The following NEK1 variants were observed in gnomAD, a reference collection of about 807,000 sequenced individuals.
NEK1 encodes NIMA related kinase 1.
NEK1 carries 137 observed loss-of-function variants against 182.1 expected under a neutral mutation model. That is an observed-to-expected ratio of 0.75 (90% confidence interval 0.65 to 0.87). The LOEUF (loss-of-function observed/expected upper bound fraction) is 0.87, where lower values mean the gene tolerates loss of function less well. Among genes scored for constraint, NEK1 ranks in the 40% least tolerant of loss-of-function variants. NEK1 has a pLI of 0.00. For synonymous variants in NEK1, 513 were observed against 492.2 expected (o/e 1.04, Z -0.56); for missense variants, 1,391 against 1,494.4 (o/e 0.93, Z 1.14).
intron 27 of NEK1, among the ~76,000 whole-genome samples, chr4:169,459,751 T>C (rs572764669): frequency 2.6e-5 from 4 of 152,168 alleles, no homozygotes; most frequent in Non-Finnish European, 4.4e-5. Flanking sequence ...ACCTTAAGTG[T>C]ATATTACTAA....
intron 2 of NEK1, among the ~76,000 whole-genome samples, chr4:169,605,998 C>G (rs927126743): frequency 6.6e-6 from 1 of 151,946 alleles, no homozygotes; most frequent in Non-Finnish European, 1.5e-5. Context: ...GTTTCTTTAT[C>G]TAGAAACACG....
intron 27 of NEK1, among the ~76,000 whole-genome samples, chr4:169,445,885 CAT>C (rs1491263657): frequency 6.1e-5 from 9 of 147,320 alleles, no homozygotes; most frequent in South Asian, 2.1e-4. Context: ...CACACACACA[CAT>C]GCACAAAATG....
intron 16 of NEK1, among the ~76,000 whole-genome samples, chr4:169,558,470 C>T (rs1274178864): frequency 4.6e-5 from 7 of 152,260 alleles, no homozygotes; most frequent in Admixed American, 2.0e-4. Flanking sequence ...ATCTGCTTTC[C>T]GTCACTACAG....
rs116414217 is a variant in NEK1, at chr4:169,594,167, T to C, written c.313-3358A>G. ...ATCAAGAACCATACAGTAATTATCA[T>C]ATAGTTGTCTGAATTACAGTTGTAT... On this transcript the variant is annotated intron_variant, in intron 5 of 35. Coordinates refer to ENST00000507142, the MANE Select transcript of NEK1 (RefSeq NM_001199397.3). 2.3e-3 allele frequency among the ~76,000 whole-genome samples: 356 copies of C among 152,316 alleles called. 1 individual carries two copies. Among genetic ancestry groups the C allele is most frequent in the Non-Finnish European group, 3.6e-3 (245 of 68,020 alleles).
intron 21 of NEK1, 71 bp downstream of exon 21, chr4:169,508,177 G>A: frequency 7.6e-7 from 1 of 1,314,040 alleles, no homozygotes; most frequent in Admixed American, 2.7e-5. Flanking sequence ...GTTGTTAATG[G>A]CACAGCATTT....
At chr4:169,591,451 T>C (rs1581017417) in intron 5 of NEK1, among the ~76,000 whole-genome samples, 2 of 152,114 alleles carry the variant, frequency 1.3e-5, no homozygotes, top group African/African-American at 4.8e-5. Context: ...GGATTACAGG[T>C]ACAAGCCACT....
At chr4:169,435,394 G>A (rs1738219239) in intron 28 of NEK1, among the ~76,000 whole-genome samples, 1 of 152,102 alleles carries the variant, frequency 6.6e-6, no homozygotes. Flanking sequence ...TGGGGGGTAG[G>A]GAGGGGAACA....
rs973721836 is a variant in NEK1, at chr4:169,477,639, C to T, written c.2140-142G>A. ...TTATTCCTATAAAATGTTAACAAAG[C>T]TTCCTTCATTATCAGCAATGACTAA... is the stretch of plus-strand genomic sequence containing the variant. On this transcript the variant is annotated intron_variant, in intron 24 of 35. Transcript: ENST00000507142. The T allele has an allele frequency of 1.5e-5, 9 of 610,608 alleles. No individual in the cohort carries two copies. In the East Asian group the frequency reaches 2.6e-4, roughly 18 times the overall value. 37.8% of individuals were successfully genotyped at this position (610,608 alleles called of 1,614,324 possible). A position where few individuals can be genotyped will look rare whatever the true frequency, so the allele number is the denominator to read the frequency against.
intron 12 of NEK1, among the ~76,000 whole-genome samples, chr4:169,574,944 G>A (rs902062514): frequency 6.6e-6 from 1 of 152,168 alleles, no homozygotes; most frequent in African/African-American, 2.4e-5. Context: ...TGTACTATAA[G>A]AGAGTTTTCT....
intron 31 of NEK1, among the ~76,000 whole-genome samples, chr4:169,407,077 A>C (rs948652015): frequency 3.9e-5 from 6 of 152,148 alleles, no homozygotes; most frequent in African/African-American, 1.4e-4. Flanking sequence ...AACTGGGAGA[A>C]GTGTTTATTT....
At chr4:169,498,273 C>T (rs1001382078) in intron 23 of NEK1, among the ~76,000 whole-genome samples, 1 of 152,156 alleles carries the variant, frequency 6.6e-6, no homozygotes, top group Non-Finnish European at 1.5e-5. Flanking sequence ...CTTCCTCCAT[C>T]CCTTTATTTT....
rs879648206 is a variant in NEK1 at position 169,571,183 on chromosome 4, T to TAAAA, written c.1020+5744_1020+5745insTTTT. On this transcript the variant is annotated intron_variant, in intron 12 of 35. Coordinates refer to ENST00000507142, the MANE Select transcript of NEK1 (RefSeq NM_001199397.3). ...CACCCAAGAATGATCAATAAAAAAA[T>TAAAA]AAATAAATAAATAAATAAATAAATA... 2.5e-3 allele frequency among the ~76,000 whole-genome samples: 194 copies of TAAAA among 77,988 alleles called. 1 individual carries two copies. The highest frequency in any genetic ancestry group is 4.4e-3 in the Non-Finnish European group (161 of 36,984). The allele number at this position is 77,988 out of a possible 152,430, so 51.2% of individuals were successfully genotyped here. A position where few individuals can be genotyped will look rare whatever the true frequency, so the allele number is the denominator to read the frequency against.
chr4:169,526,727 A>T (rs1035252217), intron 19 of NEK1, among the ~76,000 whole-genome samples: 1 of 152,182 alleles, frequency 6.6e-6, no homozygotes, highest in Non-Finnish European at 1.5e-5. Context: ...ATAATTGTTC[A>T]GGCTTATTTG....
chr4:169,572,411 G>C (rs1214649312), intron 12 of NEK1, among the ~76,000 whole-genome samples: 1 of 152,188 alleles, frequency 6.6e-6, no homozygotes, highest in Non-Finnish European at 1.5e-5. Context: ...AATTTGGAGA[G>C]AGAATGAAAT....
chr4:169,604,701 C>G (rs1200887101), intron 2 of NEK1, among the ~76,000 whole-genome samples: 1 of 152,160 alleles, frequency 6.6e-6, no homozygotes, highest in Non-Finnish European at 1.5e-5. Flanking sequence ...TGACAAACAT[C>G]ATATGCTGTG....
chr4:169,487,601 G>A (rs139457436), intron 23 of NEK1, among the ~76,000 whole-genome samples: 95 of 152,272 alleles, frequency 6.2e-4, no homozygotes, highest in East Asian at 2.9e-3. Context: ...CTTTGCTATC[G>A]TGAATAGTGC....
At chr4:169,553,822 C>A (rs966741273) in intron 18 of NEK1, among the ~76,000 whole-genome samples, 5 of 152,108 alleles carry the variant, frequency 3.3e-5, no homozygotes, top group African/African-American at 1.2e-4. Context: ...TGGCCAAAAT[C>A]CGAAACACTG....
intron 28 of NEK1, among the ~76,000 whole-genome samples, 165 bp from the exon 29 acceptor site, chr4:169,433,830 CTTTAG>C (rs1259553361): frequency 2.0e-5 from 3 of 152,258 alleles, no homozygotes; most frequent in Non-Finnish European, 2.9e-5. Context: ...ATTGTGAAGT[CTTTAG>C]TTCAGTTATT....
chr4:169,465,396 A>G (rs1467936430), intron 26 of NEK1, among the ~76,000 whole-genome samples: 1 of 152,080 alleles, frequency 6.6e-6, no homozygotes, highest in Non-Finnish European at 1.5e-5. Flanking sequence ...CTCTGAGCTG[A>G]GGAGGTGGAA....
Sources: allele counts gnomAD v4.1 joint callset (sites outside exome capture counted in the v4.1 genomes callset), GRCh38; gene constraint gnomAD v4.1.1; transcripts MANE v1.5; gene names NCBI Gene and HGNC (gene_info 2026-07-23, HGNC 2026-07-21).